PDZRN3: variants seen among roughly 807,000 people sequenced by gnomAD.
PDZRN3 encodes PDZ domain containing ring finger 3.
PDZRN3 carries 38 observed loss-of-function variants against 85.7 expected under a neutral mutation model. The observed-to-expected ratio is 0.44, with a 90% CI of 0.34 to 0.58. PDZRN3 has a LOEUF of 0.58. Ranked by LOEUF, PDZRN3 falls within the 20% of genes least tolerant of loss-of-function variation. The pLI, the probability that PDZRN3 is intolerant of heterozygous loss-of-function variation, is 0.01. For synonymous variants in PDZRN3, 759 were observed against 638.0 expected (o/e 1.19, Z -2.86); for missense variants, 1,629 against 1,506.4 (o/e 1.08, Z -1.35).
At chr3:73,443,603 A>G (rs1315152392) in intron 3 of PDZRN3, among the ~76,000 whole-genome samples, 2 of 149,266 alleles carry the variant, frequency 1.3e-5, no homozygotes, top group Non-Finnish European at 2.9e-5. Context: ...CTCCTGCCTC[A>G]GCCTCCTGAG....
chr3:73,540,157 A>T (rs1390961571), intron 3 of PDZRN3, among the ~76,000 whole-genome samples: 2 of 151,714 alleles, frequency 1.3e-5, no homozygotes, highest in Non-Finnish European at 2.9e-5. Flanking sequence ...TTAAATACTA[A>T]GAAAAATTTT....
chr3:73,469,629 C>T (rs1343169528), intron 3 of PDZRN3, among the ~76,000 whole-genome samples: 1 of 152,174 alleles, frequency 6.6e-6, no homozygotes, highest in African/African-American at 2.4e-5. Flanking sequence ...CCGGTTTGTC[C>T]ACAGCTGTCA....
At chr3:73,421,877 G>A (rs113093463) in intron 3 of PDZRN3, among the ~76,000 whole-genome samples, 14 of 152,264 alleles carry the variant, frequency 9.2e-5, no homozygotes, top group African/African-American at 3.4e-4. Context: ...TCGATCCCCT[G>A]ACCTCGTGAT....
chr3:73,622,938 AG>A (rs1266861558), intron 1 of PDZRN3, among the ~76,000 whole-genome samples: 1 of 152,172 alleles, frequency 6.6e-6, no homozygotes, highest in African/African-American at 2.4e-5. Flanking sequence ...GGGCACGCAA[AG>A]GTTCAACATG....
chr3:73,400,178 C>A (rs1200772401), intron 5 of PDZRN3, among the ~76,000 whole-genome samples: 2 of 152,066 alleles, frequency 1.3e-5, no homozygotes, highest in Non-Finnish European at 2.9e-5. Flanking sequence ...AATCAGCTTT[C>A]AAAAATGCTG....
chr3:73,485,839 T>C (rs543744436), intron 3 of PDZRN3, among the ~76,000 whole-genome samples: 2 of 152,292 alleles, frequency 1.3e-5, no homozygotes, highest in South Asian at 2.1e-4. Flanking sequence ...ATAAAGAAAT[T>C]TGGAAAAGCT....
chr3:73,508,255 G>C (rs376291695), intron 3 of PDZRN3, among the ~76,000 whole-genome samples: 1 of 152,292 alleles, frequency 6.6e-6, no homozygotes. Flanking sequence ...GTGTTGCCTT[G>C]AACAAGGAGC....
At position 73,486,488 on chromosome 3, in the gene PDZRN3, G is replaced by T. The variant is rs9832014; in HGVS notation, c.919-82093C>A. On this transcript the variant is annotated intron_variant, in intron 3 of 9. Transcript: ENST00000263666. ...AGCCAAAAAATAAACAAAAAGCCAT[G>T]CATTTGTTCAATGGTTACAGAATTT... 1.3e-3 allele frequency among the ~76,000 whole-genome samples: 202 copies of T among 152,304 alleles called. 1 individual carries two copies. The highest frequency in any genetic ancestry group is 4.7e-3 in the African/African-American group (194 of 41,566).
Position 73,624,908 on chromosome 3 carries a change from C to G in PDZRN3, c.-83G>C, listed in dbSNP as rs1242564504. On this transcript the variant is annotated 5_prime_UTR_variant, in exon 1 of 10. Coordinates refer to ENST00000263666, the MANE Select transcript of PDZRN3 (RefSeq NM_015009.3). ...CGAGGCGGCCCAGACAGGCCGGCTA[C>G]GCCGCCCGCGCGCTCGCTGGCTCTC... 4.7e-6 allele frequency: 5 copies of G among 1,058,180 alleles called. No homozygotes were observed. In the African/African-American group the frequency reaches 6.6e-5, roughly 14 times the overall value. The allele number at this position is 1,058,180 out of a possible 1,614,324, so 65.5% of individuals were successfully genotyped here. A position where few individuals can be genotyped will look rare whatever the true frequency, so the allele number is the denominator to read the frequency against.
In PDZRN3 at chr3:73,384,344, G is replaced by C; in HGVS notation, c.2222C>G (p.Ser741Ter). ...TSIDVRRHEL[S>*]DITELPEKSD... ...TTTCTCCGGGAGCTCGGTGATATCT[G>C]AGAGCTCGTGTCTGCGCACGTCGAT... Residue 741 changes from serine to a stop codon, truncating the protein, a stop_gained, in exon 10 of 10, where the codon TCA becomes TGA. Transcript: ENST00000263666. LOFTEE classifies it high-confidence loss of function. 6.2e-7 allele frequency: 1 copy of C among 1,610,154 alleles called. No individual in the cohort carries two copies. Among genetic ancestry groups the C allele is most frequent in the Non-Finnish European group, 8.5e-7 (1 of 1,179,912 alleles).
At chr3:73,581,585 C>T (rs1422131742) in intron 3 of PDZRN3, among the ~76,000 whole-genome samples, 1 of 152,122 alleles carries the variant, frequency 6.6e-6, no homozygotes, top group East Asian at 1.9e-4. Flanking sequence ...TATTACAGTA[C>T]TGCTTGTAGG....
At chr3:73,522,369 A>G (rs1704388411) in intron 3 of PDZRN3, among the ~76,000 whole-genome samples, 1 of 152,238 alleles carries the variant, frequency 6.6e-6, no homozygotes, top group South Asian at 2.1e-4. Flanking sequence ...AAGACATTTT[A>G]ACTTACCTTG....
At chr3:73,564,715 T>A (rs1701907032) in intron 3 of PDZRN3, among the ~76,000 whole-genome samples, 1 of 152,230 alleles carries the variant, frequency 6.6e-6, no homozygotes, top group Admixed American at 6.5e-5. Context: ...GTAAGCCTCA[T>A]AATTTAGAAC....
At chr3:73,434,879 T>G (rs1055749606) in intron 3 of PDZRN3, among the ~76,000 whole-genome samples, 21 of 152,244 alleles carry the variant, frequency 1.4e-4, no homozygotes, top group Non-Finnish European at 4.4e-5. Context: ...TCTGTCCTGC[T>G]GAGTAAGCCT....
intron 3 of PDZRN3, among the ~76,000 whole-genome samples, chr3:73,471,754 C>G (rs1218863803): frequency 6.6e-6 from 1 of 152,240 alleles, no homozygotes; most frequent in Non-Finnish European, 1.5e-5. Flanking sequence ...AGTTCCCAGG[C>G]AAAATGGCCT....
At chr3:73,600,351 T>A (rs1702498782) in intron 3 of PDZRN3, among the ~76,000 whole-genome samples, 1 of 150,820 alleles carries the variant, frequency 6.6e-6, no homozygotes, top group Non-Finnish European at 1.5e-5. Flanking sequence ...TCTCTCTCTC[T>A]CTCTCTCTCT....
At chr3:73,547,506 T>C (rs1701452748) in intron 3 of PDZRN3, among the ~76,000 whole-genome samples, 2 of 152,174 alleles carry the variant, frequency 1.3e-5, no homozygotes, top group African/African-American at 4.8e-5. Context: ...TGCAAGCGGG[T>C]AGATGAGCGG....
At chr3:73,454,622 G>T (rs1021919220) in intron 3 of PDZRN3, among the ~76,000 whole-genome samples, 2 of 152,100 alleles carry the variant, frequency 1.3e-5, no homozygotes, top group African/African-American at 4.8e-5. Flanking sequence ...GGGTGGGGTG[G>T]TATCTATAAA....
At chr3:73,609,042 G>C (rs1702645120) in intron 1 of PDZRN3, among the ~76,000 whole-genome samples, 1 of 152,142 alleles carries the variant, frequency 6.6e-6, no homozygotes. Context: ...CTTTCTGTTT[G>C]TTTCTCAACC....
Sources: allele counts gnomAD v4.1 joint callset (sites outside exome capture counted in the v4.1 genomes callset), GRCh38; gene constraint gnomAD v4.1.1; transcripts MANE v1.5; gene names NCBI Gene and HGNC (gene_info 2026-07-23, HGNC 2026-07-21).